TMEM45B: variants seen among roughly 807,000 people sequenced by gnomAD.
TMEM45B encodes transmembrane protein 45B.
A neutral mutation model predicts 27.3 loss-of-function variants in TMEM45B; 29 were observed. That is an observed-to-expected ratio of 1.06 (90% CI 0.79 to 1.45). The LOEUF (loss-of-function observed/expected upper bound fraction) is 1.45, where lower values mean the gene tolerates loss of function less well. Among genes scored for constraint, TMEM45B ranks in the 40% most tolerant of loss-of-function variants. TMEM45B has a pLI of 0.00. For missense variants in TMEM45B, 348 were observed against 343.9 expected, an observed-to-expected ratio of 1.01 and a Z score of -0.09; for synonymous variants, 143 against 134.7, an observed-to-expected ratio of 1.06 and a Z score of -0.43.
intron 1 of TMEM45B, among the ~76,000 whole-genome samples, chr11:129,841,460 T>C (rs1047274287): frequency 1.1e-4 from 17 of 151,920 alleles, no homozygotes; most frequent in Admixed American, 5.3e-4. Flanking sequence ...AAACTATGCA[T>C]ATATGGAGAA....
chr11:129,821,083 G>T (rs1247974504), intron 1 of TMEM45B, among the ~76,000 whole-genome samples: 1 of 152,012 alleles, frequency 6.6e-6, no homozygotes, highest in African/African-American at 2.4e-5. Context: ...TCAATGTTTG[G>T]TGTATATATT....
rs546353262 is a variant in TMEM45B, at chr11:129,817,171, T to G, written c.-9+1273T>G. 4.6e-5 allele frequency among the ~76,000 whole-genome samples: 7 copies of G among 152,348 alleles called. No individual in the cohort carries two copies. In the East Asian group the frequency reaches 1.3e-3, roughly 29 times the overall value. Reference sequence around the variant, plus strand: ...CCAAACAGGCCTGCCTACAGCATTTTACCTGCAATTTTACACTCATTTTAA... The same window carrying G: ...CCAAACAGGCCTGCCTACAGCATTTGACCTGCAATTTTACACTCATTTTAA... On this transcript the variant is annotated intron_variant, in intron 1 of 5. Transcript: ENST00000281441.
At chr11:129,838,478 T>G (rs1406520154) in intron 1 of TMEM45B, among the ~76,000 whole-genome samples, 4 of 152,220 alleles carry the variant, frequency 2.6e-5, no homozygotes, top group Non-Finnish European at 5.9e-5. Context: ...TTAATTTTTT[T>G]GTGAGACGGA....
chr11:129,846,177 A>G (rs932968781), intron 1 of TMEM45B, among the ~76,000 whole-genome samples: 1 of 152,206 alleles, frequency 6.6e-6, no homozygotes, highest in African/African-American at 2.4e-5. Flanking sequence ...GAATAAAACA[A>G]AAGTGTTAGG....
At chr11:129,828,988 G>C (rs999051130) in intron 1 of TMEM45B, among the ~76,000 whole-genome samples, 2 of 152,228 alleles carry the variant, frequency 1.3e-5, no homozygotes, top group Non-Finnish European at 2.9e-5. Context: ...CCAGACTAGA[G>C]AGGAAGTTAA....
At chr11:129,822,729 A>G (rs1267151555) in intron 1 of TMEM45B, among the ~76,000 whole-genome samples, 1 of 152,060 alleles carries the variant, frequency 6.6e-6, no homozygotes, top group Non-Finnish European at 1.5e-5. Context: ...TTTATTTTCT[A>G]TTGAAAAAGC....
chr11:129,829,380 A>G (rs1356110201), intron 1 of TMEM45B, among the ~76,000 whole-genome samples: 1 of 152,232 alleles, frequency 6.6e-6, no homozygotes, highest in Non-Finnish European at 1.5e-5. Context: ...ACTCTTGGGC[A>G]CATAGGAACA....
At chr11:129,823,015 A>G (rs898191750) in intron 1 of TMEM45B, among the ~76,000 whole-genome samples, 16 of 151,884 alleles carry the variant, frequency 1.1e-4, no homozygotes, top group Admixed American at 1.0e-3. Context: ...TAATTTTTGT[A>G]TTTTTAGTAG....
At chr11:129,829,069 T>C (rs1392793003) in intron 1 of TMEM45B, among the ~76,000 whole-genome samples, 1 of 152,174 alleles carries the variant, frequency 6.6e-6, no homozygotes. Flanking sequence ...CCCTCCAAGG[T>C]GGTATTAATG....
intron 1 of TMEM45B, among the ~76,000 whole-genome samples, chr11:129,845,252 G>A (rs1947743264): frequency 7.3e-6 from 1 of 136,910 alleles, no homozygotes; most frequent in South Asian, 2.5e-4. Context: ...TATATTAATG[G>A]CTTATTTTGT....
At chr11:129,854,955 G>A in intron 3 of TMEM45B, 139 bp downstream of exon 3, 2 of 949,416 alleles carry the variant, frequency 2.1e-6, no homozygotes, top group East Asian at 5.2e-5. Context: ...GCCAAAACCT[G>A]AATAGGACCT....
intron 1 of TMEM45B, among the ~76,000 whole-genome samples, chr11:129,847,680 G>GT (rs1488540616): frequency 3.3e-5 from 5 of 151,900 alleles, no homozygotes; most frequent in African/African-American, 1.2e-4. Flanking sequence ...CACAGCACAT[G>GT]TTTCAGAGAG....
intron 5 of TMEM45B, 161 bp downstream of exon 5, chr11:129,857,619 G>A: frequency 6.3e-6 from 5 of 797,366 alleles, no homozygotes; most frequent in South Asian, 2.0e-5. Context: ...CAAGGGGAAT[G>A]AGGCTTTTCA....
At chr11:129,857,603 T>G (rs1025174000) in intron 5 of TMEM45B, 145 bp downstream of exon 5, 1 of 881,032 alleles carries the variant, frequency 1.1e-6, no homozygotes, top group Non-Finnish European at 1.7e-6. Context: ...TACCCTTATT[T>G]GCAAACAAGG....
At chr11:129,831,912 A>G (rs1225240446) in intron 1 of TMEM45B, among the ~76,000 whole-genome samples, 1 of 152,046 alleles carries the variant, frequency 6.6e-6, no homozygotes. Context: ...TTATAAATGT[A>G]AAAATTAGCC....
Position 129,822,841 on chromosome 11 carries a change from C to CTT in TMEM45B, c.-9+6959_-9+6960dup, listed in dbSNP as rs981694529. Among the ~76,000 whole-genome samples, 117 of 134,092 alleles carry CTT rather than the reference C, an allele frequency of 8.7e-4. 1 individual carries two copies. The highest frequency in any genetic ancestry group is 1.2e-3 in the African/African-American group (42 of 35,704). 88.0% of individuals were successfully genotyped at this position (134,092 alleles called of 152,430 possible). A position where few individuals can be genotyped will look rare whatever the true frequency, so the allele number is the denominator to read the frequency against. On this transcript the variant is annotated intron_variant, in intron 1 of 5. Transcript: ENST00000281441. ...TGGATTATATTGGGAAAACATTTTT[C>CTT]TTTTTTTTTTTTTTTTTGAGACAGA...
intron 1 of TMEM45B, among the ~76,000 whole-genome samples, chr11:129,817,091 T>A (rs1488302715): frequency 6.6e-6 from 1 of 152,296 alleles, no homozygotes; most frequent in East Asian, 1.9e-4. Context: ...CTTTCTGCGG[T>A]GTCTGCCCTT....
intron 4 of TMEM45B, 79 bp from the exon 5 acceptor site, chr11:129,857,211 GCGGTGGTCACACATGGGCCACTT>G: frequency 1.5e-6 from 2 of 1,351,538 alleles, no homozygotes; most frequent in Non-Finnish European, 2.1e-6. Flanking sequence ...GAACTATGAG[GCGGTGGTCACACATGGGCCACTT>G]CGGTGGCCAC....
In TMEM45B at chr11:129,855,804, T is replaced by A. The variant is rs771984526; in HGVS notation, c.482T>A (p.Ile161Asn). 1 of 1,614,154 alleles carries A rather than the reference T, an allele frequency of 6.2e-7. No individual in the cohort carries two copies. The highest frequency in any genetic ancestry group is 1.3e-5 in the African/African-American group (1 of 75,028). Reference protein sequence around the residue: ...LYALFGGCVSISLEVIFRDHI... With the variant: ...LYALFGGCVSNSLEVIFRDHI... ...GCTCTGTTCGGAGGGTGTGTTAGTA[T>A]CTCCCTAGAGGTGATCTTCCGGGAC... The change falls in exon 4 of 6, where the codon ATC becomes AAC. Residue 161 changes from isoleucine to asparagine, a missense_variant. By Grantham distance (149) the Ile-to-Asn change is moderately radical (BLOSUM62 -3). Coordinates refer to ENST00000281441, the MANE Select transcript of TMEM45B (RefSeq NM_138788.5).
Sources: gnomAD v4.1 joint callset for allele counts (sites outside exome capture counted in the v4.1 genomes callset) on GRCh38, gnomAD v4.1.1 for gene constraint, MANE v1.5 for transcripts, NCBI Gene and HGNC (gene_info 2026-07-23, HGNC 2026-07-21) for gene names.